The following ROBO2 variants were observed in gnomAD, a reference collection of about 807,000 sequenced individuals.
ROBO2 encodes roundabout homolog 2.
Under a neutral mutation model 160.8 loss-of-function variants are expected in ROBO2, and 53 were observed. The ratio of observed to expected loss-of-function variants is 0.33; its 90% CI spans 0.26 to 0.41. ROBO2 has a LOEUF of 0.41. Among genes scored for constraint, ROBO2 ranks in the 10% least tolerant of loss-of-function variants. The pLI, the probability that ROBO2 is intolerant of heterozygous loss-of-function variation, is 1.00. For synonymous variants in ROBO2, 664 were observed against 611.7 expected (o/e 1.09, Z -1.26); for missense variants, 1,577 against 1,722.4 (o/e 0.92, Z 1.49).
chr3:76,334,904 A>G (rs1466065031), intron 2 of ROBO2, among the ~76,000 whole-genome samples: 1 of 152,200 alleles, frequency 6.6e-6, no homozygotes, highest in Non-Finnish European at 1.5e-5. Flanking sequence ...CTAATTCTGA[A>G]AATAATTTGA....
intron 2 of ROBO2, among the ~76,000 whole-genome samples, chr3:76,244,824 C>G (rs1252400328): frequency 6.6e-6 from 1 of 152,002 alleles, no homozygotes; most frequent in Non-Finnish European, 1.5e-5. Context: ...ATAAAAAATT[C>G]AAAATATGAA....
chr3:76,475,739 A>G (rs1056114321), intron 2 of ROBO2, among the ~76,000 whole-genome samples: 1 of 152,168 alleles, frequency 6.6e-6, no homozygotes, highest in Non-Finnish European at 1.5e-5. Context: ...AATTCAAGAG[A>G]TGTTTCATTA....
chr3:77,116,355 T>A (rs1321467243), intron 2 of ROBO2, among the ~76,000 whole-genome samples: 1 of 152,184 alleles, frequency 6.6e-6, no homozygotes. Context: ...ATGTAACTGT[T>A]CATATTCAGC....
At chr3:77,577,379 T>A (rs747717779) in intron 14 of ROBO2, 111 bp from the exon 16 acceptor site, 17 of 1,369,392 alleles carry the variant, frequency 1.2e-5, no homozygotes, top group Non-Finnish European at 1.8e-5. Context: ...CATTCAGAAC[T>A]CCTGGAAGCC....
chr3:77,151,449 T>C (rs1174761309), intron 2 of ROBO2, among the ~76,000 whole-genome samples: 2 of 152,152 alleles, frequency 1.3e-5, no homozygotes, highest in Non-Finnish European at 2.9e-5. Context: ...TCCTGTATTT[T>C]TGGCCTTTTC....
At chr3:75,918,916 A>T (rs1010410904) in intron 1 of ROBO2, among the ~76,000 whole-genome samples, 1 of 152,168 alleles carries the variant, frequency 6.6e-6, no homozygotes, top group East Asian at 1.9e-4. Flanking sequence ...AAAGTTGTTT[A>T]TCAGGTTAAG....
chr3:77,442,459 T>C (rs1172354709), intron 2 of ROBO2, among the ~76,000 whole-genome samples: 1 of 152,184 alleles, frequency 6.6e-6, no homozygotes, highest in East Asian at 1.9e-4. Context: ...TTTCACCCAA[T>C]GAAAACCTTT....
At chr3:76,047,482 G>A (rs747008829) in intron 2 of ROBO2, among the ~76,000 whole-genome samples, 8 of 152,148 alleles carry the variant, frequency 5.3e-5, no homozygotes, top group East Asian at 1.9e-4. Context: ...AGAGATTGCC[G>A]TCAGTGGAGA....
At chr3:77,228,439 T>C (rs1238032523) in intron 2 of ROBO2, among the ~76,000 whole-genome samples, 11 of 149,434 alleles carry the variant, frequency 7.4e-5, no homozygotes, top group East Asian at 6.0e-4. Context: ...ACACACACCC[T>C]TTTTTTTTAA....
intron 2 of ROBO2, among the ~76,000 whole-genome samples, chr3:77,332,714 T>C (rs1320837243): frequency 1.3e-5 from 2 of 152,226 alleles, no homozygotes. Context: ...AAAGATGTAG[T>C]ACATGTTTGT....
intron 2 of ROBO2, among the ~76,000 whole-genome samples, chr3:76,198,957 C>T (rs892649836): frequency 6.6e-6 from 1 of 152,214 alleles, no homozygotes; most frequent in East Asian, 1.9e-4. Context: ...TGAACTGTAC[C>T]CCAACTACCT....
intron 2 of ROBO2, among the ~76,000 whole-genome samples, chr3:77,350,589 T>C (rs1454680629): frequency 6.6e-6 from 1 of 152,032 alleles, no homozygotes; most frequent in African/African-American, 2.4e-5. Context: ...AAGGACAGAC[T>C]TTTTTTTCTT....
chr3:77,459,385 A>G (rs1032548006), intron 2 of ROBO2, among the ~76,000 whole-genome samples: 2 of 152,216 alleles, frequency 1.3e-5, no homozygotes, highest in Non-Finnish European at 2.9e-5. Flanking sequence ...TAGTAATGAC[A>G]AGAATTGAAA....
chr3:76,008,153 C>T (rs1476842486), intron 2 of ROBO2, among the ~76,000 whole-genome samples: 8 of 146,444 alleles, frequency 5.5e-5, no homozygotes, highest in African/African-American at 2.0e-4. Flanking sequence ...GAGAATTGCT[C>T]GAACCTGGGA....
exon 8 of ROBO2, chr3:77,550,875 A>C: frequency 2.5e-6 from 4 of 1,613,144 alleles, no homozygotes; most frequent in Non-Finnish European, 1.7e-6. Context: ...AGTGTCACCA[A>C]CTGGAGACCT....
chr3:77,596,030 T>G (rs1341263572), intron 18 of ROBO2, among the ~76,000 whole-genome samples: 1 of 152,164 alleles, frequency 6.6e-6, no homozygotes, highest in African/African-American at 2.4e-5. Context: ...ACATGCTGGA[T>G]CAGATCACAG....
chr3:77,190,973 A>T (rs1298680959), intron 2 of ROBO2, among the ~76,000 whole-genome samples: 3 of 152,100 alleles, frequency 2.0e-5, no homozygotes, highest in African/African-American at 7.2e-5. Context: ...ATTTTTAAAT[A>T]GGTGCTCCTG....
At chr3:76,348,036 G>T (rs1361832080) in intron 2 of ROBO2, among the ~76,000 whole-genome samples, 1 of 152,008 alleles carries the variant, frequency 6.6e-6, no homozygotes, top group Non-Finnish European at 1.5e-5. Flanking sequence ...CACTTGCATC[G>T]TCTGCCCAAG....
chr3:76,314,612 G>A (rs1438938975), intron 2 of ROBO2, among the ~76,000 whole-genome samples: 5 of 151,982 alleles, frequency 3.3e-5, no homozygotes, highest in Non-Finnish European at 2.9e-5. Context: ...GAAGACATGA[G>A]GATGAAGATT....
Sources: allele counts gnomAD v4.1 joint callset (sites outside exome capture counted in the v4.1 genomes callset), GRCh38; gene constraint gnomAD v4.1.1; transcripts MANE v1.5; gene names NCBI Gene and HGNC (gene_info 2026-07-23, HGNC 2026-07-21).